The following ATXN2 variants were observed in gnomAD, a reference collection of about 807,000 sequenced individuals.
ATXN2 encodes ataxin-2.
ATXN2 carries 37 observed loss-of-function variants against 138.6 expected under a neutral mutation model. That is an observed-to-expected ratio of 0.27 (90% confidence interval 0.21 to 0.35). ATXN2 has a LOEUF of 0.35. Among genes scored for constraint, ATXN2 ranks in the 10% least tolerant of loss-of-function variants. The pLI, the probability that ATXN2 is intolerant of heterozygous loss-of-function variation, is 1.00. For synonymous variants in ATXN2, 549 were observed against 543.7 expected, an observed-to-expected ratio of 1.01 and a Z score of -0.13; for missense variants, 1,216 against 1,480.3, an observed-to-expected ratio of 0.82 and a Z score of 2.93.
intron 5 of ATXN2, among the ~76,000 whole-genome samples, chr12:111,532,853 G>GGA (rs1880914001): frequency 8.2e-6 from 1 of 121,748 alleles, no homozygotes; most frequent in Non-Finnish European, 1.8e-5. Flanking sequence ...TAGGTTTAAG[G>GGA]AAAAAAAAAA....
rs1051188588 is a variant in ATXN2, at chr12:111,470,146, G to A, written c.2804C>T (p.Thr935Ile). The A allele has an allele frequency of 6.2e-7, 1 of 1,614,172 alleles. No homozygotes were observed. The highest frequency in any genetic ancestry group is 1.7e-5 in the Admixed American group (1 of 60,010). ...CGTCTGCTCATGAGCCCCGTACTGAGTTGCTGAAGAAGATACTAAACCAGG... is the reference window on the plus strand; with the variant it reads ...CGTCTGCTCATGAGCCCCGTACTGAATTGCTGAAGAAGATACTAAACCAGG... ...AQPGLVSSSA[T>I]QYGAHEQTHA... The change falls in exon 20 of 25, where the codon ACT becomes ATT. Residue 935 changes from threonine (T) to isoleucine (I), a missense_variant. Thr to Ile is a moderately conservative substitution (Grantham distance 89). Coordinates refer to ENST00000673436, the MANE Select transcript of ATXN2 (RefSeq NM_001372574.1).
intron 5 of ATXN2, among the ~76,000 whole-genome samples, chr12:111,534,815 A>G (rs1245669818): frequency 6.6e-6 from 1 of 152,110 alleles, no homozygotes; most frequent in Non-Finnish European, 1.5e-5. Context: ...CAGAGGGAAA[A>G]AAACTGACCT....
At chr12:111,541,494 G>A (rs1216124287) in intron 5 of ATXN2, among the ~76,000 whole-genome samples, 1 of 147,778 alleles carries the variant, frequency 6.8e-6, no homozygotes, top group Non-Finnish European at 1.5e-5. Flanking sequence ...TGGGACTACA[G>A]GTATGCGCCA....
At position 111,520,026 on chromosome 12, in the gene ATXN2, C is replaced by T. The variant is rs754712199; in HGVS notation, c.839G>A (p.Arg280Lys). The T allele has an allele frequency of 6.2e-7, 1 of 1,614,094 alleles. No homozygotes were observed. The highest frequency in any genetic ancestry group is 8.5e-7 in the Non-Finnish European group (1 of 1,180,030). The part of the protein sequence containing the change: ...NSEEFLKREA[R>K]ANQLAEEIES... ...AATTTCTTCTGCTAACTGGTTTGCC[C>T]TTGCTTCCCGTTTTAAAAATTCTTC... Residue 280 changes from arginine (R) to lysine (K), a missense_variant, in exon 8 of 25, where the codon AGG (arginine) becomes AAG (lysine). By Grantham distance (26) the Arg-to-Lys change is conservative (BLOSUM62 2). Around this residue, in one of 4 missense-constraint regions of ATXN2, gnomAD observed 401 missense variants for 528.1 expected, o/e 0.76. Transcript: ENST00000673436.
intron 1 of ATXN2, among the ~76,000 whole-genome samples, chr12:111,595,809 T>C (rs114313107): frequency 1.8e-4 from 26 of 145,498 alleles, no homozygotes; most frequent in African/African-American, 6.2e-4. Context: ...CCTGTAATCC[T>C]GGCACTTTGG....
chr12:111,473,677 T>G (rs564657327), intron 18 of ATXN2, among the ~76,000 whole-genome samples: 8 of 151,672 alleles, frequency 5.3e-5, no homozygotes, highest in African/African-American at 1.9e-4. Flanking sequence ...AGATAAAACA[T>G]CTAGGAACTC....
intron 1 of ATXN2, among the ~76,000 whole-genome samples, chr12:111,584,168 G>A (rs1277355658): frequency 6.6e-6 from 1 of 151,566 alleles, no homozygotes; most frequent in Non-Finnish European, 1.5e-5. Context: ...GATCATCTGA[G>A]CTCCAGAGTT....
intron 11 of ATXN2, 92 bp downstream of exon 11, chr12:111,513,265 T>C: frequency 7.0e-7 from 1 of 1,426,610 alleles, no homozygotes; most frequent in South Asian, 1.3e-5. Flanking sequence ...TATACATACT[T>C]ACACTTCCTC....
rs747032001 is a variant in ATXN2, at chr12:111,598,850, G to A, written c.185C>T (p.Ser62Phe). The A allele has an allele frequency of 5.4e-6, 8 of 1,477,764 alleles. No homozygotes were observed. In the Admixed American group the frequency reaches 6.8e-5, roughly 13 times the overall value. The allele number at this position is 1,477,764 out of a possible 1,614,324, so 91.5% of individuals were successfully genotyped here. Residue 62 changes from serine to phenylalanine, a missense_variant, in exon 1 of 25, where the codon TCC becomes TTC. By Grantham distance (155) the Ser-to-Phe change is radical (BLOSUM62 -2). Coordinates refer to ENST00000673436, the MANE Select transcript of ATXN2 (RefSeq NM_001372574.1). The surrounding 1 kb of genome is among the most constrained non-coding windows in gnomAD (Gnocchi z 4.5). ...PSPSSSSVSSSSATAPSSVVA... is the reference protein window; with the variant it reads ...PSPSSSSVSSFSATAPSSVVA... ...CACCGAGGAGGGAGCCGTGGCCGAG[G>A]ACGAGGAGACCGAGGACGAGGACGG...
chr12:111,457,355 G>A lies in ATXN2; in HGVS notation c.2901C>T (p.Ser967=), dbSNP rs779972223. The A allele has an allele frequency of 1.2e-6, 2 of 1,606,940 alleles. No individual in the cohort carries two copies. The highest frequency in any genetic ancestry group is 2.2e-5 in the East Asian group (1 of 44,796). The change falls in exon 22 of 25, where the codon TCC becomes TCT. Residue 967 remains serine, a synonymous_variant. Coordinates refer to ENST00000673436, the MANE Select transcript of ATXN2 (RefSeq NM_001372574.1). ...ETSPSFYFAI[S]TGSLAQQYAH... ...CATACTGCTGAGCAAGGGAGCCCGTGGAAACTAAAGTGAAAGAAAAAGGAG... is the reference window on the plus strand; with the variant it reads ...CATACTGCTGAGCAAGGGAGCCCGTAGAAACTAAAGTGAAAGAAAAAGGAG...
At chr12:111,525,707 TAG>T (rs1161909528) in intron 5 of ATXN2, among the ~76,000 whole-genome samples, 5 of 150,248 alleles carry the variant, frequency 3.3e-5, no homozygotes, top group African/African-American at 1.2e-4. Context: ...TTTTTTGAGA[TAG>T]AGTCTCGTTC....
intron 11 of ATXN2, chr12:111,511,291 TCAA>T (rs1434344555): frequency 6.6e-6 from 1 of 152,078 alleles, no homozygotes; most frequent in East Asian, 1.9e-4. Flanking sequence ...AAACTATTAT[TCAA>T]CAACTGCCAT....
intron 2 of ATXN2, 29 bp from the exon 3 acceptor site, chr12:111,554,246 T>A: frequency 4.1e-6 from 5 of 1,226,362 alleles, no homozygotes; most frequent in Non-Finnish European, 4.4e-6. Context: ...AAAAAACTAT[T>A]AGAAATTAGT....
chr12:111,556,760 G>C (rs1436293040), intron 1 of ATXN2, among the ~76,000 whole-genome samples: 1 of 150,306 alleles, frequency 6.7e-6, no homozygotes, highest in Non-Finnish European at 1.5e-5. Context: ...AGGTTGCAGT[G>C]AGCTGAGACC....
At chr12:111,595,466 ACC>A (rs1884887635) in intron 1 of ATXN2, among the ~76,000 whole-genome samples, 6 of 151,814 alleles carry the variant, frequency 4.0e-5, no homozygotes, top group African/African-American at 1.2e-4. Context: ...ACATGGTGAA[ACC>A]TTGTCTCTAC....
Position 111,587,655 on chromosome 12 carries a change from C to CA in ATXN2, c.251+11128dup, listed in dbSNP as rs71083182. On this transcript the variant is annotated intron_variant, in intron 1 of 24. Coordinates refer to ENST00000673436, the MANE Select transcript of ATXN2 (RefSeq NM_001372574.1). ...TGGCCAACAGGGTAAGACTCAGTCT[C>CA]AAAAAAAAGGAAATTTAAAAAAAAA... is the stretch of plus-strand genomic sequence containing the variant. Among the ~76,000 whole-genome samples, 862 of 150,038 alleles carry CA rather than the reference C, an allele frequency of 5.7e-3. 4 individuals carry two copies. Among genetic ancestry groups the CA allele is most frequent in the Middle Eastern group, 0.014 (4 of 288 alleles).
At chr12:111,547,285 G>A (rs1426614776) in intron 5 of ATXN2, among the ~76,000 whole-genome samples, 1 of 152,076 alleles carries the variant, frequency 6.6e-6, no homozygotes, top group East Asian at 1.9e-4. Flanking sequence ...AAATTAGCTG[G>A]GCATGGTGGC....
At chr12:111,538,578 AC>A (rs1430141895) in intron 5 of ATXN2, among the ~76,000 whole-genome samples, 12 of 136,574 alleles carry the variant, frequency 8.8e-5, no homozygotes, top group Non-Finnish European at 2.1e-4. Flanking sequence ...GTCTTGAACT[AC>A]TGGGCTCAAG....
chr12:111,463,169 C>T (rs918797867), intron 21 of ATXN2, among the ~76,000 whole-genome samples: 1 of 152,118 alleles, frequency 6.6e-6, no homozygotes, highest in African/African-American at 2.4e-5. Context: ...AAATTTGAAT[C>T]CTTAATATCC....
Sources: gnomAD v4.1 joint callset for allele counts (sites outside exome capture counted in the v4.1 genomes callset) on GRCh38, gnomAD v4.1.1 for gene constraint, gnomAD v4.1.1 regional missense constraint, Gnocchi (gnomAD v3.1) non-coding constraint, MANE v1.5 for transcripts, NCBI Gene and HGNC (gene_info 2026-07-23, HGNC 2026-07-21) for gene names.